Variants in CRISPLD2 observed in about 807,000 individuals in gnomAD.
CRISPLD2 encodes the protein cysteine-rich secretory protein LCCL domain-containing 2.
Under a neutral mutation model 71.1 loss-of-function variants are expected in CRISPLD2, and 47 were observed. The observed-to-expected ratio is 0.66, with a 90% CI of 0.52 to 0.84. CRISPLD2 has a LOEUF of 0.84. CRISPLD2 is among the 40% of genes least tolerant of loss of function. CRISPLD2 has a pLI of 0.00. For synonymous variants in CRISPLD2, 317 were observed against 250.1 expected, an observed-to-expected ratio of 1.27 and a Z score of -2.52; for missense variants, 830 against 651.1, an observed-to-expected ratio of 1.27 and a Z score of -2.99.
rs34028519 is a variant in CRISPLD2, at chr16:84,875,414, C to CTTTTTTTTT, written c.1156+1466_1156+1474dup. 2.8e-3 allele frequency among the ~76,000 whole-genome samples: 242 copies of CTTTTTTTTT among 87,762 alleles called. 14 individuals carry two copies. The highest frequency in any genetic ancestry group is 0.012 in the African/African-American group (224 of 17,994). The allele number at this position is 87,762 out of a possible 152,430, so 57.6% of individuals were successfully genotyped here. On this transcript the variant is annotated intron_variant, in intron 11 of 14. Transcript: ENST00000262424. ...GAGAAACATGAGATTTATGCATGGA[C>CTTTTTTTTT]TTTTTTTTTTTTTTTTTTTTTTTGT...
At chr16:84,821,570 C>A (rs554326024) in intron 1 of CRISPLD2, among the ~76,000 whole-genome samples, 14 of 152,302 alleles carry the variant, frequency 9.2e-5, no homozygotes, top group African/African-American at 3.4e-4. Flanking sequence ...GTCCTATCTG[C>A]ACTCTTGACC....
chr16:84,840,721 T>C (rs999956730), intron 2 of CRISPLD2, among the ~76,000 whole-genome samples: 4 of 152,098 alleles, frequency 2.6e-5, no homozygotes, highest in African/African-American at 9.7e-5. Flanking sequence ...TTTGTATTTT[T>C]ATTAGAGACG....
rs1567707401 is a variant in CRISPLD2 at position 84,900,543 on chromosome 16, AGGCATCACACAGCG to A, written c.1440-6044_1440-6031del. 1.5e-3 allele frequency among the ~76,000 whole-genome samples: 11 copies of A among 7,516 alleles called. No homozygotes were observed. In the East Asian group the frequency reaches 0.074, roughly 51 times the overall value. 4.9% of individuals were successfully genotyped at this position (7,516 alleles called of 152,430 possible). On this transcript the variant is annotated intron_variant, in intron 14 of 14. Transcript: ENST00000262424. The stretch of plus-strand genomic sequence containing the variant: ...AAGCAAGACATCACACAGCGCTGGG[AGGCATCACACAGCG>A]CTGGGAGGCATCGCACAGCCCCGTT...
At chr16:84,841,715 C>T (rs1282885488) in intron 2 of CRISPLD2, among the ~76,000 whole-genome samples, 2 of 151,950 alleles carry the variant, frequency 1.3e-5, no homozygotes, top group Non-Finnish European at 2.9e-5. Flanking sequence ...CCTGTCTCGG[C>T]CTCCCAAGTA....
chr16:84,833,892 G>C (rs911914593), intron 1 of CRISPLD2, among the ~76,000 whole-genome samples: 2 of 152,174 alleles, frequency 1.3e-5, no homozygotes, highest in African/African-American at 4.8e-5. Flanking sequence ...GGCAGAAGAG[G>C]GTGGAAGAGA....
Position 84,850,557 on chromosome 16 carries a change from C to T in CRISPLD2, c.493-11C>T. 1 of 1,611,610 alleles carries T rather than the reference C, an allele frequency of 6.2e-7. No individual in the cohort carries two copies. Among genetic ancestry groups the T allele is most frequent in the Non-Finnish European group, 8.5e-7 (1 of 1,177,744 alleles). ...CCCTCGAGCTGTGACACACAAATGT[C>T]ATCTTTTCAGATAGTTTGGGCCACC... On this transcript the variant is annotated splice_polypyrimidine_tract_variant and intron_variant, in intron 4 of 14. Transcript: ENST00000262424.
chr16:84,875,763 G>A (rs1030865527), intron 11 of CRISPLD2, among the ~76,000 whole-genome samples: 6 of 142,708 alleles, frequency 4.2e-5, no homozygotes, highest in East Asian at 2.0e-4. Context: ...ACGGGGTTTC[G>A]CCACGTTGGC....
chr16:84,900,046 A>T (rs1264743063), intron 14 of CRISPLD2, among the ~76,000 whole-genome samples: 2 of 151,936 alleles, frequency 1.3e-5, no homozygotes, highest in African/African-American at 4.8e-5. Flanking sequence ...CTTTCCAGAA[A>T]CCAGCAGGGC....
At chr16:84,877,016 C>T (rs112646091) in intron 11 of CRISPLD2, among the ~76,000 whole-genome samples, 2 of 152,074 alleles carry the variant, frequency 1.3e-5, no homozygotes, top group Admixed American at 6.5e-5. Flanking sequence ...CTAGAGCAGG[C>T]ACTGGAAAGC....
At chr16:84,866,869 T>G in intron 6 of CRISPLD2, 28 bp from the exon 7 acceptor site, 1 of 1,589,150 alleles carries the variant, frequency 6.3e-7, no homozygotes, top group South Asian at 1.1e-5. Flanking sequence ...CAGTGTGTTA[T>G]TTTTTTTCCT....
Position 84,877,513 on chromosome 16 carries a change from A to C in CRISPLD2, c.1229+3A>C. The C allele has an allele frequency of 6.2e-7, 1 of 1,613,680 alleles. No homozygotes were observed. Among genetic ancestry groups the C allele is most frequent in the Non-Finnish European group, 8.5e-7 (1 of 1,179,666 alleles). ...AAGCCAGCAACTCACTGCCCAAGGT[A>C]AGGCGGGCCTGATCTGTCATCTTTT... On this transcript the variant is annotated splice_donor_region_variant and intron_variant, in intron 12 of 14. Coordinates refer to ENST00000262424, the MANE Select transcript of CRISPLD2 (RefSeq NM_031476.4).
At chr16:84,854,961 C>T (rs1039010473) in intron 6 of CRISPLD2, 132 bp downstream of exon 6, 1 of 709,190 alleles carries the variant, frequency 1.4e-6, no homozygotes, top group Non-Finnish European at 2.5e-6. Context: ...GCTCTCAGCA[C>T]ATTCCTCCCG....
intron 13 of CRISPLD2, among the ~76,000 whole-genome samples, chr16:84,887,082 C>G (rs977385880): frequency 6.6e-6 from 1 of 152,172 alleles, no homozygotes; most frequent in Non-Finnish European, 1.5e-5. Flanking sequence ...ATGTCTTGCT[C>G]TCTTCTTGAA....
chr16:84,898,861 C>G lies in CRISPLD2; in HGVS notation c.1440-7727C>G, dbSNP rs116402196. ...ATAGTCCCAGTTGCACCACTGCACTCCAGCCTGGGCAACATAAGTGAGACC... is the reference window on the plus strand; with the variant it reads ...ATAGTCCCAGTTGCACCACTGCACTGCAGCCTGGGCAACATAAGTGAGACC... On this transcript the variant is annotated intron_variant, in intron 14 of 14. Transcript: ENST00000262424. Among the ~76,000 whole-genome samples the G allele has an allele frequency of 5.7e-3, 873 of 152,232 alleles. 5 individuals are homozygous for G. Among genetic ancestry groups the G allele is most frequent in the African/African-American group, 0.02 (837 of 41,526 alleles).
At chr16:84,866,565 G>A (rs922511561) in intron 6 of CRISPLD2, among the ~76,000 whole-genome samples, 9 of 152,114 alleles carry the variant, frequency 5.9e-5, no homozygotes, top group African/African-American at 2.2e-4. Flanking sequence ...TGCTTCGTGG[G>A]GGCAGAGGGT....
At chr16:84,836,863 G>A (rs74673245) in intron 1 of CRISPLD2, among the ~76,000 whole-genome samples, 2,631 of 152,266 alleles carry the variant, frequency 0.017, 60 homozygotes, top group African/African-American at 0.052. Context: ...GAGTTCCGAC[G>A]GGTCAGCCTG....
At chr16:84,836,719 C>T (rs139611468) in intron 1 of CRISPLD2, among the ~76,000 whole-genome samples, 52 of 152,302 alleles carry the variant, frequency 3.4e-4, no homozygotes, top group African/African-American at 1.2e-3. Context: ...TGATCTACAT[C>T]TCCCCACCCC....
chr16:84,856,406 G>C (rs924055938), intron 6 of CRISPLD2, among the ~76,000 whole-genome samples: 1 of 152,188 alleles, frequency 6.6e-6, no homozygotes, highest in African/African-American at 2.4e-5. Flanking sequence ...GGAGCCCAAA[G>C]TGTCCAGGTG....
At chr16:84,898,908 G>A (rs1472930140) in intron 14 of CRISPLD2, among the ~76,000 whole-genome samples, 1 of 152,152 alleles carries the variant, frequency 6.6e-6, no homozygotes, top group Non-Finnish European at 1.5e-5. Context: ...ACTGCAGTGA[G>A]CTGTGACTGC....
Sources: gnomAD v4.1 joint callset for allele counts (sites outside exome capture counted in the v4.1 genomes callset) on GRCh38, gnomAD v4.1.1 for gene constraint, MANE v1.5 for transcripts, NCBI Gene and HGNC (gene_info 2026-07-23, HGNC 2026-07-21) for gene names.